MYH3: variants seen among roughly 807,000 people sequenced by gnomAD.
MYH3 encodes the protein myosin heavy chain 3.
Under a neutral mutation model 238.0 loss-of-function variants are expected in MYH3, and 130 were observed. The observed-to-expected ratio is 0.55, with a 90% CI of 0.47 to 0.63. MYH3 has a LOEUF of 0.63. MYH3 is among the 30% of genes least tolerant of loss of function. MYH3 has a pLI of 0.00. For synonymous variants in MYH3, 880 were observed against 924.1 expected (o/e 0.95, Z 0.86); for missense variants, 1,853 against 2,374.9 (o/e 0.78, Z 4.57).
chr17:10,630,510 G>C (rs370577575), intron 36 of MYH3, 52 bp from the exon 37 acceptor site: 1 of 1,612,398 alleles, frequency 6.2e-7, no homozygotes, highest in Non-Finnish European at 8.5e-7. Context: ...CAGTGCCTTG[G>C]AACTGTCAAA....
rs2074116596 is a variant in MYH3 at position 10,628,596 on chromosome 17, A to G, written c.*57T>C. On this transcript the variant is annotated 3_prime_UTR_variant, in exon 41 of 41. Coordinates refer to ENST00000583535, the MANE Select transcript of MYH3 (RefSeq NM_002470.4). ...ACATGGACATTAAGTATCAATGGTC[A>G]GGAATCAAGAAAATATACATTTTGC... is the stretch of plus-strand genomic sequence containing the variant. 22 of 1,585,388 alleles carry G rather than the reference A, an allele frequency of 1.4e-5. No individual in the cohort carries two copies. The South Asian group carries it at 2.3e-4, about 17-fold the overall frequency.
At chr17:10,639,247 G>T in intron 24 of MYH3, 51 bp downstream of exon 24, 1 of 1,613,588 alleles carries the variant, frequency 6.2e-7, no homozygotes, top group South Asian at 1.1e-5. Flanking sequence ...ACCCTTGAGG[G>T]CTCTTCCAAC....
chr17:10,660,365 G>C (rs1435371613), upstream of MYH3, among the ~76,000 whole-genome samples: 1 of 152,192 alleles, frequency 6.6e-6, no homozygotes, highest in Non-Finnish European at 1.5e-5. Context: ...GGGAGAAAGA[G>C]ACATATGTAA....
chr17:10,644,199 A>G (rs2074299487), intron 14 of MYH3, 152 bp downstream of exon 14: 6 of 805,782 alleles, frequency 7.4e-6, no homozygotes, highest in East Asian at 2.6e-5. Context: ...AAACCCTTCC[A>G]ATAAGTACCG....
the MYH3 span, among the ~76,000 whole-genome samples, chr17:10,667,746 T>C: frequency 6.8e-6 from 1 of 147,840 alleles, no homozygotes; most frequent in Admixed American, 6.8e-5. Flanking sequence ...TTCCAGGATA[T>C]AGCGTTAAAA....
upstream of MYH3, chr17:10,658,698 C>T (rs1029603783): frequency 6.6e-6 from 1 of 152,288 alleles, no homozygotes; most frequent in Non-Finnish European, 1.5e-5. Context: ...TTGGGCAGGG[C>T]TCACTCACCC....
At chr17:10,652,586 C>A in intron 3 of MYH3, 23 bp from the exon 4 acceptor site, 1 of 1,098,462 alleles carries the variant, frequency 9.1e-7, no homozygotes, top group Non-Finnish European at 1.3e-6. Flanking sequence ...AGGCACAGTG[C>A]TTCACTAAGA....
At chr17:10,633,200 C>T (rs2074181948) in intron 33 of MYH3, among the ~76,000 whole-genome samples, 1 of 150,712 alleles carries the variant, frequency 6.6e-6, no homozygotes, top group South Asian at 2.1e-4. Flanking sequence ...AACTCTGTCT[C>T]AAGAAAAAAA....
At chr17:10,674,994 T>C in the MYH3 span, 1 of 152,342 alleles carries the variant, frequency 6.6e-6, no homozygotes, top group Non-Finnish European at 1.5e-5. Flanking sequence ...ACAAGGAATG[T>C]GCCCACTCTC....
Position 10,639,737 on chromosome 17 carries a change from G to A in MYH3, c.2748C>T (p.Leu916=), listed in dbSNP as rs201383580. ...CTGTCACCTCCTTGATCTTGGCCTC[G>A]AGCTGGAATTTGGCTTTGATCAGCT... is the stretch of plus-strand genomic sequence containing the variant. The part of the protein sequence containing the change: ...CDQLIKAKFQ[L]EAKIKEVTER... The change falls in exon 23 of 41, where the codon CTC becomes CTT. Residue 916 remains leucine, a synonymous_variant. Coordinates refer to ENST00000583535, the MANE Select transcript of MYH3 (RefSeq NM_002470.4). 2.4e-5 allele frequency: 38 copies of A among 1,613,572 alleles called. No homozygotes were observed. The highest frequency in any genetic ancestry group is 1.3e-4 in the East Asian group (6 of 44,842).
chr17:10,647,243 C>T lies in MYH3; in HGVS notation c.837G>A (p.Lys279=). Residue 279 remains lysine (K), a synonymous_variant, in exon 10 of 41, where the codon AAG becomes AAA. Transcript: ENST00000583535. ...AGAAGATGTGGTAGCTTCTTTCAGC[C>T]TTCAGCTGGAAAGTGACTCTTGATT... The part of the protein sequence containing the change: ...LEKSRVTFQL[K]AERSYHIFYQ... 1 of 1,614,198 alleles carries T rather than the reference C, an allele frequency of 6.2e-7. No homozygotes were observed. The highest frequency in any genetic ancestry group is 2.2e-5 in the East Asian group (1 of 44,878).
At chr17:10,633,868 C>T (rs941286184) in intron 32 of MYH3, 149 bp downstream of exon 32, 38 of 1,471,940 alleles carry the variant, frequency 2.6e-5, no homozygotes, top group East Asian at 9.0e-5. Flanking sequence ...GAGGCTAAAA[C>T]GTAACCCGTC....
At chr17:10,653,874 G>A (rs909683985) in intron 3 of MYH3, among the ~76,000 whole-genome samples, 2 of 152,204 alleles carry the variant, frequency 1.3e-5, no homozygotes, top group African/African-American at 4.8e-5. Flanking sequence ...TCCCTGACGT[G>A]TTAGCAGCCC....
upstream of MYH3, among the ~76,000 whole-genome samples, chr17:10,662,268 C>T (rs529587160): frequency 6.6e-5 from 10 of 152,208 alleles, no homozygotes; most frequent in East Asian, 1.5e-3. Context: ...ATGATCCACC[C>T]GCCTTGGCCT....
chr17:10,663,119 A>G, the MYH3 span, among the ~76,000 whole-genome samples: 7 of 146,926 alleles, frequency 4.8e-5, 1 homozygote, highest in Admixed American at 4.0e-4. Context: ...AGTAAACTGA[A>G]ATAAAATAAA....
chr17:10,631,797 C>A lies in MYH3; in HGVS notation c.5160+16G>T, dbSNP rs1597481351. On this transcript the variant is annotated intron_variant, in intron 35 of 40. Coordinates refer to ENST00000583535, the MANE Select transcript of MYH3 (RefSeq NM_002470.4). Reference sequence around the variant, plus strand: ...TGAGGCTGGAACCTCGCCTCTCTTCCTCTCCCTCCCCTCACCTGGGTATGC... The same window carrying A: ...TGAGGCTGGAACCTCGCCTCTCTTCATCTCCCTCCCCTCACCTGGGTATGC... 6.2e-7 allele frequency: 1 copy of A among 1,614,020 alleles called. No individual in the cohort carries two copies. Among genetic ancestry groups the A allele is most frequent in the African/African-American group, 1.3e-5 (1 of 74,902 alleles).
In MYH3 at chr17:10,645,708, T is replaced by C. The variant is rs1302203458; in HGVS notation, c.1140A>G (p.Glu380=). Reference sequence around the variant, plus strand: ...TTTGCTGTCACACTGATTTTGTACCTTCTGTGCCATCCGGCTCGGCCTGCT... The same window carrying C: ...TTTGCTGTCACACTGATTTTGTACCCTCTGTGCCATCCGGCTCGGCCTGCT... The part of the protein sequence containing the change: ...REEQAEPDGT[E]VADKTAYLMG... Residue 380 remains glutamate (E), a splice_region_variant and synonymous_variant, in exon 12 of 41, where the codon GAA becomes GAG. Transcript: ENST00000583535. 6.2e-7 allele frequency: 1 copy of C among 1,612,574 alleles called. No homozygotes were observed. Among genetic ancestry groups the C allele is most frequent in the Non-Finnish European group, 8.5e-7 (1 of 1,179,996 alleles).
rs542491960 is a variant in MYH3, at chr17:10,639,153, C to A, written c.3139G>T (p.Val1047Leu). 6.2e-7 allele frequency: 1 copy of A among 1,614,022 alleles called. No individual in the cohort carries two copies. The highest frequency in any genetic ancestry group is 8.5e-7 in the Non-Finnish European group (1 of 1,179,982). ...TTCCTTTTGTTCCTTTCCAGGTCTA[C>A]TCGGAGCTTCTTTTCTTGTTCTAGG... Reference protein sequence around the residue: ...SSLEQEKKLRVDLERNKRKLE... With the variant: ...SSLEQEKKLRLDLERNKRKLE... The change falls in exon 25 of 41, where the codon GTA becomes TTA. Residue 1047 changes from valine to leucine, a missense_variant. Physicochemically the swap from Val to Leu is conservative, Grantham distance 32. Coordinates refer to ENST00000583535, the MANE Select transcript of MYH3 (RefSeq NM_002470.4).
At chr17:10,672,190 C>T in the MYH3 span, among the ~76,000 whole-genome samples, 10 of 152,284 alleles carry the variant, frequency 6.6e-5, no homozygotes, top group East Asian at 1.5e-3. Context: ...TAACTTGTTT[C>T]ATTTCATTAA....
Sources: allele counts gnomAD v4.1 joint callset (sites outside exome capture counted in the v4.1 genomes callset), GRCh38; gene constraint gnomAD v4.1.1; transcripts MANE v1.5; gene names NCBI Gene and HGNC (gene_info 2026-07-23, HGNC 2026-07-21).